MRTFB: variants seen among roughly 807,000 people sequenced by gnomAD.
MRTFB encodes the protein myocardin-related transcription factor B.
MRTFB carries 29 observed loss-of-function variants against 104.2 expected under a neutral mutation model. The ratio of observed to expected loss-of-function variants is 0.28; its 90% CI spans 0.21 to 0.38. The LOEUF is 0.38. Among genes scored for constraint, MRTFB ranks in the 10% least tolerant of loss-of-function variants. The probability of loss-of-function intolerance (pLI) is 1.00; values close to 1 mark genes in which losing one functional copy is unlikely to be tolerated. For synonymous variants in MRTFB, 535 were observed against 519.5 expected (o/e 1.03, Z -0.41); for missense variants, 1,270 against 1,341.6 (o/e 0.95, Z 0.83).
chr16:14,235,673 C>G (rs1238352839), intron 9 of MRTFB, among the ~76,000 whole-genome samples: 1 of 152,138 alleles, frequency 6.6e-6, no homozygotes, highest in Non-Finnish European at 1.5e-5. Flanking sequence ...AAAGCTGTTT[C>G]CCATCCTTCA....
At chr16:14,240,772 A>C in intron 10 of MRTFB, 1 of 765,322 alleles carries the variant, frequency 1.3e-6, no homozygotes, top group Non-Finnish European at 2.4e-6. Flanking sequence ...CCAAAATAGT[A>C]CTAGATGCTC....
the MRTFB span, among the ~76,000 whole-genome samples, chr16:14,011,202 T>G: frequency 6.6e-6 from 1 of 152,254 alleles, no homozygotes; most frequent in Non-Finnish European, 1.5e-5. Flanking sequence ...ATTCTGTGGT[T>G]GTTTAGCCAG....
intron 2 of MRTFB, among the ~76,000 whole-genome samples, chr16:14,100,927 T>A (rs935680308): frequency 6.6e-6 from 1 of 152,158 alleles, no homozygotes; most frequent in African/African-American, 2.4e-5. Flanking sequence ...CTGATATTGG[T>A]AATCTGTGTC....
chr16:14,078,473 C>T (rs1447710144), intron 1 of MRTFB, among the ~76,000 whole-genome samples: 4 of 151,976 alleles, frequency 2.6e-5, no homozygotes, highest in Non-Finnish European at 5.9e-5. Context: ...GGCTGGAGTA[C>T]ATGACACGGG....
the MRTFB span, among the ~76,000 whole-genome samples, chr16:14,046,991 G>A: frequency 6.6e-6 from 1 of 152,190 alleles, no homozygotes; most frequent in African/African-American, 2.4e-5. Context: ...CAGGTTCATA[G>A]TTACTGAACT....
At chr16:14,140,151 G>A (rs923385600) in intron 2 of MRTFB, among the ~76,000 whole-genome samples, 4 of 152,148 alleles carry the variant, frequency 2.6e-5, no homozygotes, top group African/African-American at 7.2e-5. Context: ...TGTGAATGTT[G>A]ACTAATTTAA....
intron 3 of MRTFB, among the ~76,000 whole-genome samples, chr16:14,194,874 C>G (rs762650675): frequency 7.9e-5 from 12 of 151,930 alleles, no homozygotes; most frequent in Non-Finnish European, 1.6e-4. Context: ...TGGTGATAGC[C>G]GTAAAGCTCC....
intron 9 of MRTFB, among the ~76,000 whole-genome samples, chr16:14,237,773 G>A (rs1327585263): frequency 6.6e-6 from 1 of 152,162 alleles, no homozygotes; most frequent in Admixed American, 6.5e-5. Flanking sequence ...TCAGCTCTGT[G>A]CTGATCACTT....
the MRTFB span, among the ~76,000 whole-genome samples, chr16:14,042,337 C>G: frequency 1.3e-5 from 2 of 152,180 alleles, no homozygotes; most frequent in African/African-American, 4.8e-5. Flanking sequence ...GTTGGCCAGA[C>G]TAGTCTGAAC....
intron 2 of MRTFB, among the ~76,000 whole-genome samples, chr16:14,085,760 G>A (rs1243329552): frequency 6.6e-6 from 1 of 152,116 alleles, no homozygotes; most frequent in Non-Finnish European, 1.5e-5. Context: ...ATTTTAATTT[G>A]GATAAGAAAA....
intron 4 of MRTFB, 129 bp downstream of exon 4, chr16:14,210,437 C>A: frequency 3.0e-6 from 2 of 673,738 alleles, no homozygotes; most frequent in Non-Finnish European, 4.8e-6. Context: ...AAATGAATTT[C>A]CAAGGAAAAA....
chr16:14,088,948 T>C (rs2141947349), intron 2 of MRTFB, among the ~76,000 whole-genome samples: 1 of 152,304 alleles, frequency 6.6e-6, no homozygotes, highest in African/African-American at 2.4e-5. Context: ...TGCTTTTTTG[T>C]TCTTTCCTCT....
chr16:14,062,949 T>C, the MRTFB span, among the ~76,000 whole-genome samples: 2 of 152,122 alleles, frequency 1.3e-5, no homozygotes, highest in African/African-American at 4.8e-5. Context: ...CACTTCAACA[T>C]TCTCATGGGG....
chr16:14,103,632 C>T (rs2035816256), intron 2 of MRTFB, among the ~76,000 whole-genome samples: 1 of 152,166 alleles, frequency 6.6e-6, no homozygotes, highest in Non-Finnish European at 1.5e-5. Context: ...TGCAGTTATA[C>T]ACATTGGCCA....
chr16:14,140,847 T>G lies in MRTFB; in HGVS notation c.154+87T>G. The G allele has an allele frequency of 1.9e-6, 3 of 1,546,258 alleles. No homozygotes were observed. In the South Asian group the frequency reaches 3.5e-5, roughly 18 times the overall value. On this transcript the variant is annotated intron_variant, in intron 3 of 16. Coordinates refer to ENST00000571589, the MANE Select transcript of MRTFB (RefSeq NM_001308142.2). ...TTTATTCCTGTTTGGTAGTAATATTTTGGTCAGTTCAGCAGTCTGTCATGG... is the reference window on the plus strand; with the variant it reads ...TTTATTCCTGTTTGGTAGTAATATTGTGGTCAGTTCAGCAGTCTGTCATGG...
intron 8 of MRTFB, among the ~76,000 whole-genome samples, chr16:14,232,013 A>T (rs543956360): frequency 6.6e-6 from 1 of 152,334 alleles, no homozygotes; most frequent in African/African-American, 2.4e-5. Context: ...AGAGCTAATA[A>T]GATAGGCACA....
chr16:14,221,757 AT>A (rs1362057589), intron 8 of MRTFB, among the ~76,000 whole-genome samples: 1 of 132,394 alleles, frequency 7.6e-6, no homozygotes. Context: ...GACTAGCTTG[AT>A]TTTTTTAGAT....
chr16:14,219,132 A>C (rs1358602558), intron 8 of MRTFB, 134 bp downstream of exon 8: 1 of 852,190 alleles, frequency 1.2e-6, no homozygotes, highest in African/African-American at 1.8e-5. Context: ...AAAAGCAGGC[A>C]CTTAACTGCC....
At chr16:14,051,766 C>A in the MRTFB span, among the ~76,000 whole-genome samples, 1 of 152,194 alleles carries the variant, frequency 6.6e-6, no homozygotes, top group African/African-American at 2.4e-5. Flanking sequence ...GAGTGTTCAA[C>A]GCACACTTAT....
Sources: gnomAD v4.1 joint callset for allele counts (sites outside exome capture counted in the v4.1 genomes callset) on GRCh38, gnomAD v4.1.1 for gene constraint, MANE v1.5 for transcripts, NCBI Gene and HGNC (gene_info 2026-07-23, HGNC 2026-07-21) for gene names.